SLCO6A1: variants seen among roughly 807,000 people sequenced by gnomAD.
The protein encoded by SLCO6A1 is solute carrier organic anion transporter family member 6A1.
In SLCO6A1, 65 loss-of-function variants were observed where a neutral mutation model predicts 72.7. The ratio of observed to expected loss-of-function variants is 0.89; its 90% CI spans 0.73 to 1.10. SLCO6A1 has a LOEUF of 1.10. Among genes scored for constraint, SLCO6A1 ranks in the 50% least tolerant of loss-of-function variants. SLCO6A1 has a pLI of 0.00. For missense variants in SLCO6A1, 874 were observed against 872.6 expected (o/e 1.00, Z -0.02); for synonymous variants, 314 against 298.2 (o/e 1.05, Z -0.55).
Position 102,419,966 on chromosome 5 carries a change from A to C in SLCO6A1, c.1332T>G (p.Val444=). 6.2e-7 allele frequency: 1 copy of C among 1,602,894 alleles called. No individual in the cohort carries two copies. The highest frequency in any genetic ancestry group is 8.5e-7 in the Non-Finnish European group (1 of 1,176,894). Residue 444 remains valine (V), a synonymous_variant, in exon 8 of 14, where the codon GTT becomes GTG. Coordinates refer to ENST00000506729, the MANE Select transcript of SLCO6A1 (RefSeq NM_173488.5). ...ALGQLLGGVI[V]STLEMSCKAL... is the part of the protein sequence containing the mutation. ...CTTTACAAGACATTTCTAATGTGGA[A>C]ACAATGACACCTCCCAGAAGCTGGC...
chr5:102,373,171 T>A (rs1242675762), intron 13 of SLCO6A1, among the ~76,000 whole-genome samples, 166 bp downstream of exon 13: 1 of 151,828 alleles, frequency 6.6e-6, no homozygotes, highest in East Asian at 1.9e-4. Context: ...TTTATATTTT[T>A]AAAAATTTTA....
chr5:102,469,619 AT>A lies in SLCO6A1; in HGVS notation c.899+6077del, dbSNP rs1751497920. 2.0e-5 allele frequency among the ~76,000 whole-genome samples: 3 copies of A among 152,112 alleles called. No individual in the cohort carries two copies. In the South Asian group the frequency reaches 6.2e-4, roughly 32 times the overall value. On this transcript the variant is annotated intron_variant, in intron 4 of 13. Transcript: ENST00000506729. ...TCATCTGCAAACAGGGACAATTTGAATTCCTCTTTTTGTAATTAAATACCCT... is the reference window on the plus strand; with the variant it reads ...TCATCTGCAAACAGGGACAATTTGAATCCTCTTTTTGTAATTAAATACCCT...
chr5:102,475,829 T>A, intron 3 of SLCO6A1, 36 bp from the exon 4 acceptor site: 1 of 1,459,776 alleles, frequency 6.9e-7, no homozygotes, highest in Non-Finnish European at 9.4e-7. Flanking sequence ...CATCAAACAA[T>A]TTCATAAGCC....
chr5:102,411,427 GT>G, intron 9 of SLCO6A1, among the ~76,000 whole-genome samples: 1 of 152,160 alleles, frequency 6.6e-6, no homozygotes, highest in South Asian at 2.1e-4. Context: ...ACCATGCACA[GT>G]TAATTTTTGT....
At chr5:102,438,817 T>C (rs572619386) in intron 6 of SLCO6A1, 56 bp from the exon 7 acceptor site, 131 of 1,273,088 alleles carry the variant, frequency 1.0e-4, no homozygotes, top group Non-Finnish European at 9.1e-5. Context: ...TAAAGAGGAA[T>C]AGACAGAACC....
At chr5:102,456,714 G>A (rs1750738591) in intron 6 of SLCO6A1, among the ~76,000 whole-genome samples, 1 of 152,100 alleles carries the variant, frequency 6.6e-6, no homozygotes, top group Non-Finnish European at 1.5e-5. Flanking sequence ...TTCCCATCAA[G>A]CTACCAATGA....
chr5:102,407,480 G>T (rs889467797), intron 9 of SLCO6A1, among the ~76,000 whole-genome samples: 1 of 152,120 alleles, frequency 6.6e-6, no homozygotes, highest in African/African-American at 2.4e-5. Context: ...TCTTTCCTGG[G>T]CAAGGCCAAG....
intron 8 of SLCO6A1, among the ~76,000 whole-genome samples, chr5:102,417,155 T>C (rs1032626286): frequency 2.6e-5 from 4 of 152,202 alleles, no homozygotes; most frequent in African/African-American, 9.6e-5. Flanking sequence ...TCTGGTGTTA[T>C]ACTCCAGCTT....
intron 7 of SLCO6A1, among the ~76,000 whole-genome samples, chr5:102,432,939 T>C (rs1477743106): frequency 6.6e-6 from 1 of 152,214 alleles, no homozygotes; most frequent in African/African-American, 2.4e-5. Flanking sequence ...CTTTACATAA[T>C]TGCATATTTT....
intron 9 of SLCO6A1, among the ~76,000 whole-genome samples, chr5:102,405,973 A>G (rs927866804): frequency 1.3e-5 from 2 of 152,118 alleles, no homozygotes; most frequent in African/African-American, 4.8e-5. Context: ...TATAATATTA[A>G]TTCTAAATAG....
rs147710791 is a variant in SLCO6A1 at position 102,390,168 on chromosome 5, T to C, written c.1879+813A>G. On this transcript the variant is annotated intron_variant, in intron 11 of 13. Transcript: ENST00000506729. Reference sequence around the variant, plus strand: ...TATTTAATATCATCTTATTCTACCCTCTCCCATTCAAAAATACATCAGCCT... The same window carrying C: ...TATTTAATATCATCTTATTCTACCCCCTCCCATTCAAAAATACATCAGCCT... 7.6e-3 allele frequency among the ~76,000 whole-genome samples: 1,159 copies of C among 152,262 alleles called. 11 individuals are homozygous for C. The highest frequency in any genetic ancestry group is 9.6e-3 in the Non-Finnish European group (655 of 68,026).
intron 12 of SLCO6A1, among the ~76,000 whole-genome samples, chr5:102,375,963 A>G (rs1745765813): frequency 6.6e-6 from 1 of 152,156 alleles, no homozygotes; most frequent in Non-Finnish European, 1.5e-5. Context: ...GAAAAAAAGC[A>G]ATGATACACA....
Position 102,388,795 on chromosome 5 carries a change from AT to A in SLCO6A1, c.1909del (p.Met637CysfsTer34). On this transcript the variant is annotated frameshift_variant, in exon 12 of 14. Transcript: ENST00000506729. LOFTEE classifies it high-confidence loss of function. The stretch of plus-strand genomic sequence containing the variant: ...TAAAATACAAGAAGTTTCTCCTGAC[AT>A]TTTAAAGATTGATGGTCCAGGAATA... ...GTIPGPSIFK[M>X]SGETSCILRD... 6.2e-7 allele frequency: 1 copy of A among 1,606,210 alleles called. No homozygotes were observed. Among genetic ancestry groups the A allele is most frequent in the Non-Finnish European group, 8.5e-7 (1 of 1,177,802 alleles).
At chr5:102,481,965 C>G (rs751731966) in intron 1 of SLCO6A1, among the ~76,000 whole-genome samples, 5 of 152,078 alleles carry the variant, frequency 3.3e-5, no homozygotes, top group Non-Finnish European at 5.9e-5. Context: ...AGATTTGGAG[C>G]CACAACTAGT....
At chr5:102,393,760 T>C (rs1411809727) in intron 10 of SLCO6A1, among the ~76,000 whole-genome samples, 1 of 152,096 alleles carries the variant, frequency 6.6e-6, no homozygotes, top group East Asian at 1.9e-4. Flanking sequence ...GAATCCACAG[T>C]GACTACCACA....
intron 1 of SLCO6A1, among the ~76,000 whole-genome samples, chr5:102,491,148 A>G (rs1194290540): frequency 6.6e-6 from 1 of 152,192 alleles, no homozygotes; most frequent in Admixed American, 6.5e-5. Context: ...AGAGTAGAGT[A>G]GCTAAATACA....
chr5:102,393,663 C>T (rs1746898106), intron 10 of SLCO6A1, among the ~76,000 whole-genome samples: 1 of 151,992 alleles, frequency 6.6e-6, no homozygotes, highest in African/African-American at 2.4e-5. Flanking sequence ...TTACATCTAA[C>T]ATGCATCAGA....
intron 4 of SLCO6A1, among the ~76,000 whole-genome samples, chr5:102,464,714 C>A (rs1265302377): frequency 6.6e-6 from 1 of 152,082 alleles, no homozygotes; most frequent in Non-Finnish European, 1.5e-5. Flanking sequence ...ATTAAAGAGA[C>A]ACCACCAAGC....
At chr5:102,437,740 A>G (rs1369860750) in intron 7 of SLCO6A1, among the ~76,000 whole-genome samples, 1 of 152,042 alleles carries the variant, frequency 6.6e-6, no homozygotes, top group East Asian at 1.9e-4. Context: ...TTTTGCCCAC[A>G]TGCTTTTTGT....
Sources: allele counts gnomAD v4.1 joint callset (sites outside exome capture counted in the v4.1 genomes callset), GRCh38; gene constraint gnomAD v4.1.1; transcripts MANE v1.5; gene names NCBI Gene and HGNC (gene_info 2026-07-23, HGNC 2026-07-21).